The following UST variants were observed in gnomAD, a reference collection of about 807,000 sequenced individuals.
The protein encoded by UST is chondroitin sulfate 2-O-sulfotransferase.
A neutral mutation model predicts 45.6 loss-of-function variants in UST; 21 were observed. The ratio of observed to expected loss-of-function variants is 0.46; its 90% confidence interval spans 0.33 to 0.66. The LOEUF is 0.66. Ranked by LOEUF, UST falls within the 30% of genes least tolerant of loss-of-function variation. The pLI is 0.02. For missense variants in UST, 463 were observed against 512.4 expected (o/e 0.90, Z 0.93); for synonymous variants, 215 against 200.6 (o/e 1.07, Z -0.61).
chr6:148,774,999 T>TGACAGA (rs1776503333), intron 1 of UST, among the ~76,000 whole-genome samples: 1 of 151,994 alleles, frequency 6.6e-6, no homozygotes, highest in Non-Finnish European at 1.5e-5. Flanking sequence ...GCCTGGAGTC[T>TGACAGA]GACAGAGTGA....
chr6:149,034,199 C>T (rs1230350282), intron 7 of UST, among the ~76,000 whole-genome samples: 2 of 152,146 alleles, frequency 1.3e-5, no homozygotes, highest in Admixed American at 1.3e-4. Context: ...TCATTTCTTG[C>T]ACAACTTAAT....
At chr6:149,068,832 A>G (rs1170865434) in intron 7 of UST, among the ~76,000 whole-genome samples, 1 of 152,174 alleles carries the variant, frequency 6.6e-6, no homozygotes, top group African/African-American at 2.4e-5. Flanking sequence ...GAGCATGAGA[A>G]CTTACATCTT....
At chr6:148,775,649 A>T (rs1017250958) in intron 1 of UST, among the ~76,000 whole-genome samples, 1 of 139,482 alleles carries the variant, frequency 7.2e-6, no homozygotes, top group Non-Finnish European at 1.6e-5. Context: ...TGGGGCGGGG[A>T]GAGAGTCTCA....
At chr6:148,802,665 G>T (rs1777075493) in intron 1 of UST, among the ~76,000 whole-genome samples, 2 of 152,194 alleles carry the variant, frequency 1.3e-5, no homozygotes, top group Non-Finnish European at 2.9e-5. Context: ...GACGAGAATT[G>T]AGGGCCAGGG....
At chr6:148,776,843 C>G (rs1271481808) in intron 1 of UST, among the ~76,000 whole-genome samples, 1 of 152,194 alleles carries the variant, frequency 6.6e-6, no homozygotes, top group African/African-American at 2.4e-5. Context: ...CTGGATCCGT[C>G]ATGATGGGTG....
At chr6:148,789,687 T>TA (rs1162439110) in intron 1 of UST, among the ~76,000 whole-genome samples, 2 of 151,968 alleles carry the variant, frequency 1.3e-5, no homozygotes, top group Non-Finnish European at 2.9e-5. Flanking sequence ...AATTCAGAAT[T>TA]ACGGAGGCTG....
At chr6:148,759,597 C>G (rs1404399970) in intron 1 of UST, among the ~76,000 whole-genome samples, 2 of 151,010 alleles carry the variant, frequency 1.3e-5, no homozygotes, top group African/African-American at 4.9e-5. Flanking sequence ...GCCTGTAATC[C>G]CAGCTCCCTG....
intron 1 of UST, among the ~76,000 whole-genome samples, chr6:148,813,933 C>T (rs1777309786): frequency 6.6e-6 from 1 of 152,094 alleles, no homozygotes; most frequent in Admixed American, 6.6e-5. Context: ...GTCCACACCC[C>T]CCCTTTGCCA....
At chr6:148,780,905 C>G (rs1191701564) in intron 1 of UST, among the ~76,000 whole-genome samples, 1 of 151,992 alleles carries the variant, frequency 6.6e-6, no homozygotes, top group Non-Finnish European at 1.5e-5. Flanking sequence ...CAAACTGCAC[C>G]CATATAAGAA....
intron 1 of UST, among the ~76,000 whole-genome samples, chr6:148,858,376 A>C (rs1778244258): frequency 6.6e-6 from 1 of 152,200 alleles, no homozygotes; most frequent in South Asian, 2.1e-4. Flanking sequence ...CATGGGAGAA[A>C]GATGGAGAAA....
chr6:148,825,528 G>T (rs1219167920), intron 1 of UST, among the ~76,000 whole-genome samples: 1 of 152,202 alleles, frequency 6.6e-6, no homozygotes, highest in Non-Finnish European at 1.5e-5. Context: ...ATGGCTTATT[G>T]TCTGTACTTT....
chr6:148,796,712 GAAGCCCAGGT>G (rs1218969066), intron 1 of UST, among the ~76,000 whole-genome samples: 1 of 150,390 alleles, frequency 6.6e-6, no homozygotes, highest in African/African-American at 2.4e-5. Context: ...GCTTCAAGGT[GAAGCCCAGGT>G]ACACCTGCTT....
At chr6:148,999,711 T>A (rs1393028162) in intron 5 of UST, among the ~76,000 whole-genome samples, 1 of 142,840 alleles carries the variant, frequency 7.0e-6, no homozygotes, top group Non-Finnish European at 1.6e-5. Context: ...TGGCACAGAC[T>A]TGACATCTTA....
intron 5 of UST, among the ~76,000 whole-genome samples, chr6:148,984,504 A>G (rs1367795556): frequency 1.3e-5 from 2 of 152,236 alleles, no homozygotes; most frequent in Non-Finnish European, 2.9e-5. Flanking sequence ...ACATCATGAC[A>G]TGATAGGATT....
At chr6:149,043,824 C>T (rs1482239843) in intron 7 of UST, among the ~76,000 whole-genome samples, 1 of 152,234 alleles carries the variant, frequency 6.6e-6, no homozygotes, top group African/African-American at 2.4e-5. Flanking sequence ...ATATTGTTTG[C>T]CTAAGTATAA....
intron 2 of UST, among the ~76,000 whole-genome samples, chr6:148,918,608 A>G (rs958378363): frequency 1.3e-5 from 2 of 152,188 alleles, no homozygotes; most frequent in Non-Finnish European, 2.9e-5. Flanking sequence ...GATGATTAAA[A>G]TATCACAGGA....
chr6:148,798,614 G>A (rs1381953346), intron 1 of UST, among the ~76,000 whole-genome samples: 1 of 152,118 alleles, frequency 6.6e-6, no homozygotes, highest in Non-Finnish European at 1.5e-5. Flanking sequence ...TCATATTTAA[G>A]TGATGAGCCT....
chr6:148,921,744 G>T (rs1484565111), intron 2 of UST, among the ~76,000 whole-genome samples: 1 of 152,128 alleles, frequency 6.6e-6, no homozygotes, highest in Non-Finnish European at 1.5e-5. Context: ...CACAGGAAGG[G>T]GACAGAGGCC....
At chr6:149,042,458 C>T (rs1388331933) in intron 7 of UST, among the ~76,000 whole-genome samples, 3 of 152,144 alleles carry the variant, frequency 2.0e-5, no homozygotes, top group East Asian at 1.9e-4. Flanking sequence ...TGGTGAGAAA[C>T]CCTATTTGTG....
Sources: allele counts gnomAD v4.1 joint callset (sites outside exome capture counted in the v4.1 genomes callset), GRCh38; gene constraint gnomAD v4.1.1; transcripts MANE v1.5; gene names NCBI Gene and HGNC (gene_info 2026-07-23, HGNC 2026-07-21).